LAMA3: variants seen among roughly 807,000 people sequenced by gnomAD.
The protein encoded by LAMA3 is laminin subunit alpha-3.
Under a neutral mutation model 402.0 loss-of-function variants are expected in LAMA3, and 281 were observed. That is an observed-to-expected ratio of 0.70 (90% confidence interval 0.63 to 0.77). The LOEUF (loss-of-function observed/expected upper bound fraction) is 0.77. Among genes scored for constraint, LAMA3 ranks in the 30% least tolerant of loss-of-function variants. LAMA3 has a pLI of 0.00. For synonymous variants in LAMA3, 1,431 were observed against 1,558.4 expected (o/e 0.92, Z 1.93); for missense variants, 3,840 against 4,215.5 (o/e 0.91, Z 2.47).
intron 70 of LAMA3, among the ~76,000 whole-genome samples, chr18:23,949,276 T>A (rs926797507): frequency 6.6e-6 from 1 of 152,144 alleles, no homozygotes; most frequent in African/African-American, 2.4e-5. Context: ...TTTGGGAACA[T>A]TTTGGCCTCT....
At chr18:23,753,413 TA>T in intron 5 of LAMA3, among the ~76,000 whole-genome samples, 1 of 152,344 alleles carries the variant, frequency 6.6e-6, no homozygotes, top group East Asian at 1.9e-4. Flanking sequence ...TTAATTTACA[TA>T]AAAAATAAAC....
At chr18:23,927,973 G>T (rs1009360616) in intron 62 of LAMA3, 150 bp from the exon 63 acceptor site, 6 of 703,804 alleles carry the variant, frequency 8.5e-6, no homozygotes, top group Non-Finnish European at 1.6e-5. Flanking sequence ...CATAAAATAA[G>T]TAGCATTATG....
At chr18:23,903,857 A>G (rs2081152881) in intron 49 of LAMA3, 76 bp from the exon 50 acceptor site, 2 of 1,188,300 alleles carry the variant, frequency 1.7e-6, no homozygotes, top group Non-Finnish European at 2.5e-6. Context: ...CACATCAGTT[A>G]TGATAGAGTT....
At chr18:23,893,709 T>C (rs561835547) in intron 42 of LAMA3, among the ~76,000 whole-genome samples, 48 of 152,348 alleles carry the variant, frequency 3.2e-4, no homozygotes, top group Non-Finnish European at 5.3e-4. Context: ...GTAACTTGTC[T>C]GCCCCCCGTG....
chr18:23,764,668 T>A (rs2062039728), intron 8 of LAMA3, among the ~76,000 whole-genome samples: 1 of 152,138 alleles, frequency 6.6e-6, no homozygotes, highest in African/African-American at 2.4e-5. Flanking sequence ...CCAACTTAAA[T>A]TTAAAATGCC....
At chr18:23,789,579 T>C (rs1332971602) in intron 12 of LAMA3, among the ~76,000 whole-genome samples, 2 of 152,206 alleles carry the variant, frequency 1.3e-5, no homozygotes, top group African/African-American at 2.4e-5. Flanking sequence ...AGTCACATAT[T>C]GTGTGATTCA....
chr18:23,939,171 A>T, intron 67 of LAMA3, 52 bp from the exon 68 acceptor site: 6 of 1,565,344 alleles, frequency 3.8e-6, no homozygotes, highest in Non-Finnish European at 5.3e-6. Context: ...TTAGCAAGAT[A>T]AGCATTCTTC....
intron 12 of LAMA3, among the ~76,000 whole-genome samples, chr18:23,789,607 G>T (rs1481655985): frequency 6.6e-6 from 1 of 152,180 alleles, no homozygotes; most frequent in Admixed American, 6.5e-5. Context: ...GAAATGTCCA[G>T]GATAGGAAAA....
intron 13 of LAMA3, among the ~76,000 whole-genome samples, chr18:23,812,690 C>A (rs2063097713): frequency 6.6e-6 from 1 of 152,162 alleles, no homozygotes; most frequent in Non-Finnish European, 1.5e-5. Flanking sequence ...AATTCTAGAA[C>A]GTCTTTTAAA....
intron 20 of LAMA3, among the ~76,000 whole-genome samples, chr18:23,822,624 G>A (rs747610877): frequency 5.3e-5 from 8 of 152,192 alleles, no homozygotes; most frequent in Non-Finnish European, 1.2e-4. Flanking sequence ...ATGTACCTTG[G>A]CTGAACCCCA....
At chr18:23,761,967 A>G (rs547033910) in intron 7 of LAMA3, among the ~76,000 whole-genome samples, 4 of 152,342 alleles carry the variant, frequency 2.6e-5, no homozygotes, top group African/African-American at 9.6e-5. Flanking sequence ...CTGTAATCCA[A>G]GTACTTTGGG....
chr18:23,953,608 C>G (rs564156070), intron 74 of LAMA3, among the ~76,000 whole-genome samples: 99 of 152,060 alleles, frequency 6.5e-4, no homozygotes, highest in Middle Eastern at 3.4e-3. Flanking sequence ...TTTCAAAGTG[C>G]TGGGATTACA....
intron 6 of LAMA3, among the ~76,000 whole-genome samples, chr18:23,754,068 C>T (rs532135220): frequency 6.6e-6 from 1 of 152,218 alleles, no homozygotes; most frequent in Non-Finnish European, 1.5e-5. Flanking sequence ...CACCAGATCA[C>T]CCCCAAGACA....
At position 23,865,070 on chromosome 18, in the gene LAMA3, ATGT is replaced by A. The variant is rs372491794; in HGVS notation, c.4683+191_4683+193del. Reference sequence around the variant, plus strand: ...TCAGGATCCTGCCTCCTCTGACCAAATGTTGTCTGTCTTCTCTGCCTCCAAAGT... The same window carrying A: ...TCAGGATCCTGCCTCCTCTGACCAAATGTCTGTCTTCTCTGCCTCCAAAGT... On this transcript the variant is annotated intron_variant, in intron 36 of 74. Coordinates refer to ENST00000313654, the MANE Select transcript of LAMA3 (RefSeq NM_198129.4). 1.3e-3 allele frequency among the ~76,000 whole-genome samples: 199 copies of A among 152,314 alleles called. 2 individuals carry two copies. The South Asian group carries it at 0.013, about 10-fold the overall frequency.
At chr18:23,847,318 C>T in intron 31 of LAMA3, 146 bp from the exon 32 acceptor site, 1 of 853,342 alleles carries the variant, frequency 1.2e-6, no homozygotes, top group Non-Finnish European at 1.9e-6. Context: ...TGTGGTTGGT[C>T]TTGACTCCAA....
chr18:23,858,972 G>A, intron 34 of LAMA3, 143 bp downstream of exon 34: 1 of 837,688 alleles, frequency 1.2e-6, no homozygotes, highest in East Asian at 2.5e-5. Flanking sequence ...AATGCCATGT[G>A]TTCAGAGGGG....
chr18:23,892,842 G>T (rs1568307452), intron 42 of LAMA3, among the ~76,000 whole-genome samples: 1 of 148,184 alleles, frequency 6.7e-6, no homozygotes, highest in Non-Finnish European at 1.5e-5. Flanking sequence ...GGCAGAGGTT[G>T]CAGTGAGCTG....
At chr18:23,917,522 C>G (rs1304470942) in intron 60 of LAMA3, among the ~76,000 whole-genome samples, 1 of 152,174 alleles carries the variant, frequency 6.6e-6, no homozygotes, top group Non-Finnish European at 1.5e-5. Flanking sequence ...TTCAACCTCA[C>G]CAGCATCTAT....
Position 23,914,415 on chromosome 18 carries a change from C to T in LAMA3, c.7335C>T (p.Ser2445=), listed in dbSNP as rs1232157366. Residue 2445 remains serine (S), a synonymous_variant, in exon 57 of 75, where the codon TCC becomes TCT. Coordinates refer to ENST00000313654, the MANE Select transcript of LAMA3 (RefSeq NM_198129.4). ...AGGTGGCCCTTTGTCTCCAGGCCTCCCGGGACTACATCGGCATGGCAGTTG... is the reference window on the plus strand; with the variant it reads ...AGGTGGCCCTTTGTCTCCAGGCCTCTCGGGACTACATCGGCATGGCAGTTG... ...FVMYLGNKDA[S]RDYIGMAVVD... 6.2e-7 allele frequency: 1 copy of T among 1,614,126 alleles called. No individual in the cohort carries two copies. The highest frequency in any genetic ancestry group is 8.5e-7 in the Non-Finnish European group (1 of 1,180,014).
Sources: gnomAD v4.1 joint callset for allele counts (sites outside exome capture counted in the v4.1 genomes callset) on GRCh38, gnomAD v4.1.1 for gene constraint, MANE v1.5 for transcripts, NCBI Gene and HGNC (gene_info 2026-07-23, HGNC 2026-07-21) for gene names.